CLEC20A: variants seen among roughly 807,000 people sequenced by gnomAD.
The protein encoded by CLEC20A is C-type lectin domain containing 20A.
upstream of CLEC20A, among the ~76,000 whole-genome samples, chr1:178,497,746 T>C (rs1413489113): frequency 3.9e-5 from 6 of 152,212 alleles, no homozygotes; most frequent in Non-Finnish European, 2.9e-5. Context: ...GCAAGTTGAT[T>C]TTTCAGAGCA....
In CLEC20A at chr1:178,494,109, C is replaced by T. The variant is rs1649332717; in HGVS notation, c.397+345G>A. On this transcript the variant is annotated intron_variant, in intron 2 of 7. Coordinates refer to ENST00000623247, the Ensembl canonical transcript of CLEC20A. Reference sequence around the variant, plus strand: ...CGTCATTTGCTATTGAAAACCAACCCTGGGCCAGGCCCAATGGCTCATGCC... The same window carrying T: ...CGTCATTTGCTATTGAAAACCAACCTTGGGCCAGGCCCAATGGCTCATGCC... 5.3e-5 allele frequency among the ~76,000 whole-genome samples: 8 copies of T among 152,194 alleles called. No homozygotes were observed. In the South Asian group the frequency reaches 1.7e-3, roughly 31 times the overall value.
rs933773621 is a variant in CLEC20A, at chr1:178,490,443, G to A, written c.464-6C>T. The A allele has an allele frequency of 1.8e-5, 7 of 398,580 alleles. No homozygotes were observed. Among genetic ancestry groups the A allele is most frequent in the Non-Finnish European group, 3.1e-5 (7 of 226,100 alleles). The allele number at this position is 398,580 out of a possible 1,614,324, so 24.7% of individuals were successfully genotyped here. ...ACCACTGATCTGGACCACAGCTGGG[G>A]TCAAAGAATGTGGAGATCACTGGCC... On this transcript the variant is annotated splice_polypyrimidine_tract_variant and splice_region_variant and intron_variant, in intron 3 of 7. Transcript: ENST00000623247.
chr1:178,483,307 T>A (rs1649038941), intron 5 of CLEC20A, 25 bp from the exon 6 acceptor site: 4 of 398,552 alleles, frequency 1.0e-5, no homozygotes, highest in African/African-American at 2.1e-5. Flanking sequence ...AATAAAAGAT[T>A]TATTGCAAAT....
intron 5 of CLEC20A, chr1:178,486,284 C>T (rs1306401666): frequency 5.0e-6 from 2 of 397,522 alleles, no homozygotes; most frequent in Non-Finnish European, 8.9e-6. Flanking sequence ...ACACAACGCG[C>T]CCACACCACA....
chr1:178,482,082 C>CAAA, intron 7 of CLEC20A: 29 of 353,578 alleles, frequency 8.2e-5, no homozygotes, highest in Middle Eastern at 7.0e-4. Flanking sequence ...AACAAAAAAA[C>CAAA]AAAAAAACAA....
chr1:178,492,345 G>A (rs1337652320), intron 3 of CLEC20A, among the ~76,000 whole-genome samples, 156 bp downstream of exon 3: 1 of 152,090 alleles, frequency 6.6e-6, no homozygotes, highest in African/African-American at 2.4e-5. Flanking sequence ...CAGCCAGGGG[G>A]CAGCAAATTC....
chr1:178,479,114 A>C (rs892817784), downstream of CLEC20A: 2 of 153,024 alleles, frequency 1.3e-5, no homozygotes, highest in Admixed American at 6.5e-5. Flanking sequence ...AAATCTCTTT[A>C]ATAACTTGTG....
exon 5 of CLEC20A, chr1:178,488,580 C>T: frequency 2.5e-6 from 1 of 398,810 alleles, no homozygotes; most frequent in South Asian, 1.3e-4. Context: ...CTGCTGATGC[C>T]CGGTGTCCAG....
At chr1:178,487,707 T>C (rs991479576) in intron 5 of CLEC20A, among the ~76,000 whole-genome samples, 1 of 152,218 alleles carries the variant, frequency 6.6e-6, no homozygotes. Flanking sequence ...CCCAAAATCT[T>C]GCCTGGTGGC....
chr1:178,486,315 T>A (rs1649141848), intron 5 of CLEC20A: 2 of 397,478 alleles, frequency 5.0e-6, no homozygotes, highest in Non-Finnish European at 8.8e-6. Flanking sequence ...CATCCTCAAC[T>A]CCCTGGCCTG....
intron 4 of CLEC20A, among the ~76,000 whole-genome samples, chr1:178,489,506 C>T (rs761227033): frequency 1.3e-5 from 2 of 152,090 alleles, no homozygotes; most frequent in Admixed American, 6.5e-5. Context: ...GGCAGAAGGA[C>T]GCCCATCACA....
At chr1:178,482,088 AACAAC>A (rs1256452609) in intron 7 of CLEC20A, 24 of 368,894 alleles carry the variant, frequency 6.5e-5, no homozygotes, top group Admixed American at 4.2e-4. Context: ...AAAACAAAAA[AACAAC>A]AAAAAAAAAA....
exon 3 of CLEC20A, chr1:178,492,558 C>T (rs1013918303): frequency 1.0e-5 from 4 of 398,504 alleles, no homozygotes; most frequent in East Asian, 7.1e-5. Flanking sequence ...AGGTGCCCGA[C>T]GTCAGGGTCT....
upstream of CLEC20A, among the ~76,000 whole-genome samples, chr1:178,497,630 G>A (rs527941684): frequency 8.7e-4 from 132 of 152,288 alleles, no homozygotes; most frequent in Admixed American, 2.6e-3. Flanking sequence ...GCATAAAAAC[G>A]AACAATGTCT....
At chr1:178,483,216 A>T in exon 6 of CLEC20A, 1 of 398,608 alleles carries the variant, frequency 2.5e-6, no homozygotes, top group Non-Finnish European at 4.4e-6. Context: ...TTCTGAACTC[A>T]GATGTTGGGC....
upstream of CLEC20A, among the ~76,000 whole-genome samples, chr1:178,499,278 C>A (rs928727346): frequency 6.6e-6 from 1 of 152,226 alleles, no homozygotes; most frequent in Non-Finnish European, 1.5e-5. Context: ...AAATGGCAAG[C>A]ATTATGTTTA....
chr1:178,491,609 C>T (rs775049859), intron 3 of CLEC20A, among the ~76,000 whole-genome samples: 14 of 152,072 alleles, frequency 9.2e-5, no homozygotes, highest in Non-Finnish European at 1.8e-4. Context: ...ACAACCTGCC[C>T]GAACTCAGGC....
chr1:178,497,230 G>A (rs1246805610), upstream of CLEC20A: 2 of 357,788 alleles, frequency 5.6e-6, no homozygotes, highest in Non-Finnish European at 5.0e-6. Flanking sequence ...GGCCCCAGAA[G>A]CACAAGTTTT....
intron 3 of CLEC20A, among the ~76,000 whole-genome samples, chr1:178,491,920 T>C (rs1649274210): frequency 6.6e-6 from 1 of 152,038 alleles, no homozygotes. Context: ...CAAGGGCCCA[T>C]CCACTGTCTG....
Sources: gnomAD v4.1 joint callset for allele counts (sites outside exome capture counted in the v4.1 genomes callset) on GRCh38, gnomAD v4.1.1 for gene constraint, MANE v1.5 for transcripts, NCBI Gene and HGNC (gene_info 2026-07-23, HGNC 2026-07-21) for gene names.